Variants in PTK2 observed in about 807,000 individuals in gnomAD.
PTK2 encodes focal adhesion kinase 1.
Under a neutral mutation model 150.1 loss-of-function variants are expected in PTK2, and 45 were observed. The observed-to-expected ratio is 0.30, with a 90% CI of 0.24 to 0.38. PTK2 has a LOEUF of 0.38. Ranked by LOEUF, PTK2 falls within the 10% of genes least tolerant of loss-of-function variation. PTK2 has a pLI of 1.00. For synonymous variants in PTK2, 432 were observed against 449.2 expected, an observed-to-expected ratio of 0.96 and a Z score of 0.48; for missense variants, 919 against 1,307.3, an observed-to-expected ratio of 0.70 and a Z score of 4.58.
intron 10 of PTK2, among the ~76,000 whole-genome samples, chr8:140,817,700 C>T (rs1278998428): frequency 3.3e-5 from 5 of 152,150 alleles, no homozygotes; most frequent in Non-Finnish European, 7.3e-5. Context: ...AACCTCTAGA[C>T]TGCCTGGCAC....
intron 1 of PTK2, among the ~76,000 whole-genome samples, chr8:140,944,974 T>A (rs2100177186): frequency 6.6e-6 from 1 of 152,188 alleles, no homozygotes; most frequent in South Asian, 2.1e-4. Flanking sequence ...TAGACGAAAG[T>A]TGTGCTTACA....
At chr8:140,976,950 C>T (rs2100189461) in intron 1 of PTK2, among the ~76,000 whole-genome samples, 1 of 152,048 alleles carries the variant, frequency 6.6e-6, no homozygotes, top group African/African-American at 2.4e-5. Context: ...CAATCCAATT[C>T]TAGAAATGTC....
chr8:140,667,405 A>T (rs1431635230), intron 30 of PTK2, among the ~76,000 whole-genome samples: 1 of 152,018 alleles, frequency 6.6e-6, no homozygotes, highest in Non-Finnish European at 1.5e-5. Flanking sequence ...GTACTCTTTA[A>T]AAGGAGCCAT....
chr8:140,865,881 C>T (rs1413816231), intron 4 of PTK2, among the ~76,000 whole-genome samples: 1 of 152,142 alleles, frequency 6.6e-6, no homozygotes, highest in Non-Finnish European at 1.5e-5. Context: ...CCTCCCCGGG[C>T]TCAAGCGATC....
At chr8:140,864,840 A>G (rs1366723891) in intron 4 of PTK2, among the ~76,000 whole-genome samples, 1 of 152,194 alleles carries the variant, frequency 6.6e-6, no homozygotes, top group Non-Finnish European at 1.5e-5. Flanking sequence ...TATCTTTCTC[A>G]TTCTCTCTTT....
intron 22 of PTK2, among the ~76,000 whole-genome samples, chr8:140,730,167 G>A (rs56352956): frequency 0.6 from 91,288 of 151,310 alleles, 28,819 homozygotes; most frequent in African/African-American, 0.8. Flanking sequence ...GGTGATACTT[G>A]AGACTGGTGT....
chr8:140,728,979 T>C (rs1055054427), intron 22 of PTK2, among the ~76,000 whole-genome samples: 2 of 152,156 alleles, frequency 1.3e-5, no homozygotes, highest in African/African-American at 2.4e-5. Flanking sequence ...GTTGCTATAA[T>C]AGCTTGAACT....
intron 26 of PTK2, 40 bp downstream of exon 29, chr8:140,700,851 G>A: frequency 1.2e-6 from 2 of 1,609,288 alleles, no homozygotes; most frequent in Non-Finnish European, 1.7e-6. Flanking sequence ...ACTCTAACAG[G>A]GCTTAAAAAG....
chr8:140,917,651 C>T (rs1326060733), intron 2 of PTK2, among the ~76,000 whole-genome samples: 2 of 152,024 alleles, frequency 1.3e-5, no homozygotes, highest in Admixed American at 6.6e-5. Context: ...TCTGAAAGAG[C>T]CTTTTAAAAT....
At chr8:140,788,223 C>T (rs1358702167) in intron 14 of PTK2, among the ~76,000 whole-genome samples, 2 of 152,210 alleles carry the variant, frequency 1.3e-5, no homozygotes, top group Non-Finnish European at 2.9e-5. Flanking sequence ...TTCCAACCTT[C>T]TCTCTACTTA....
intron 12 of PTK2, among the ~76,000 whole-genome samples, chr8:140,800,068 A>G (rs2100094038): frequency 6.6e-6 from 1 of 152,228 alleles, no homozygotes; most frequent in South Asian, 2.1e-4. Flanking sequence ...CTTTTGAGAT[A>G]TATAAGAAAA....
At chr8:141,001,298 G>GCCCGCGCGCGTGCGCGGC (rs1338319457), upstream of PTK2, 1 of 147,342 alleles carries the variant, frequency 6.8e-6, no homozygotes, top group Non-Finnish European at 1.5e-5. Flanking sequence ...GTCGGCGCGG[G>GCCCGCGCGCGTGCGCGGC]CCCGCGCGCG....
intron 7 of PTK2, among the ~76,000 whole-genome samples, chr8:140,835,814 G>A (rs1453401264): frequency 6.6e-6 from 1 of 152,190 alleles, no homozygotes; most frequent in Non-Finnish European, 1.5e-5. Flanking sequence ...ACTATATGGA[G>A]TGTGCATGTT....
intron 2 of PTK2, among the ~76,000 whole-genome samples, chr8:140,895,825 G>A (rs76016812): frequency 1.0e-3 from 155 of 152,082 alleles, no homozygotes; most frequent in Non-Finnish European, 1.9e-3. Flanking sequence ...AACGTCTCAT[G>A]TACCCCATAA....
At chr8:140,944,835 A>G (rs2100177140) in intron 1 of PTK2, among the ~76,000 whole-genome samples, 1 of 152,190 alleles carries the variant, frequency 6.6e-6, no homozygotes, top group Non-Finnish European at 1.5e-5. Flanking sequence ...CCACTTGTGA[A>G]CCTTATTTCT....
chr8:140,677,719 T>G (rs1348498797), intron 27 of PTK2, among the ~76,000 whole-genome samples: 1 of 152,238 alleles, frequency 6.6e-6, no homozygotes, highest in African/African-American at 2.4e-5. Flanking sequence ...TTTTAAAGAC[T>G]TGCAAAAAGT....
chr8:140,809,355 G>C (rs530676977), intron 10 of PTK2, among the ~76,000 whole-genome samples: 3 of 152,234 alleles, frequency 2.0e-5, no homozygotes, highest in South Asian at 4.1e-4. Flanking sequence ...CAAATCAAAA[G>C]AGCTTAGGCA....
intron 8 of PTK2, among the ~76,000 whole-genome samples, chr8:140,824,209 C>A (rs1274173027): frequency 6.6e-6 from 1 of 152,172 alleles, no homozygotes; most frequent in Non-Finnish European, 1.5e-5. Context: ...GTAACTGGGG[C>A]AAATGTGTTT....
intron 14 of PTK2, among the ~76,000 whole-genome samples, chr8:140,786,684 C>A (rs1376839787): frequency 6.6e-6 from 1 of 151,900 alleles, no homozygotes; most frequent in Admixed American, 6.6e-5. Flanking sequence ...TCTGGTTCCA[C>A]CTAAGTAAGC....
Sources: allele counts gnomAD v4.1 joint callset (sites outside exome capture counted in the v4.1 genomes callset), GRCh38; gene constraint gnomAD v4.1.1; transcripts MANE v1.5; gene names NCBI Gene and HGNC (gene_info 2026-07-23, HGNC 2026-07-21).